The following AGO4 variants were observed in gnomAD, a reference collection of about 807,000 sequenced individuals.
The protein encoded by AGO4 is protein argonaute-4.
A neutral mutation model predicts 104.7 loss-of-function variants in AGO4; 33 were observed. The ratio of observed to expected loss-of-function variants is 0.32; its 90% CI spans 0.24 to 0.42. The LOEUF (loss-of-function observed/expected upper bound fraction) is 0.42, where lower values mean the gene tolerates loss of function less well. AGO4 is among the 10% of genes least tolerant of loss of function. The pLI is 1.00. For synonymous variants in AGO4, 331 were observed against 364.7 expected, an observed-to-expected ratio of 0.91 and a Z score of 1.05; for missense variants, 711 against 1,083.4, an observed-to-expected ratio of 0.66 and a Z score of 4.83.
intron 7 of AGO4, among the ~76,000 whole-genome samples, chr1:35,830,503 A>G (rs1192777613): frequency 6.6e-6 from 1 of 152,192 alleles, no homozygotes; most frequent in Non-Finnish European, 1.5e-5. Flanking sequence ...AAGTGAGTCT[A>G]TGTATGTTCT....
intron 13 of AGO4, among the ~76,000 whole-genome samples, chr1:35,837,688 TTC>T (rs1368009997): frequency 2.0e-5 from 3 of 151,852 alleles, no homozygotes; most frequent in African/African-American, 7.2e-5. Context: ...CCTAAACATC[TTC>T]TTTTATAATG....
At chr1:35,849,219 A>ATC (rs1197858431) in intron 15 of AGO4, among the ~76,000 whole-genome samples, 2 of 152,296 alleles carry the variant, frequency 1.3e-5, no homozygotes, top group East Asian at 3.9e-4. Context: ...GGGTAAGAGA[A>ATC]CATCACCTAA....
intron 12 of AGO4, 30 bp downstream of exon 12, chr1:35,834,204 A>T (rs527818223): frequency 6.7e-7 from 1 of 1,482,510 alleles, no homozygotes; most frequent in South Asian, 1.4e-5. Flanking sequence ...TGAATGAGGG[A>T]TGATTTCAAG....
At position 35,808,402 on chromosome 1, in the gene AGO4, G is replaced by T; in HGVS notation, c.-15G>T. On this transcript the variant is annotated 5_prime_UTR_variant, in exon 1 of 18. Coordinates refer to ENST00000373210, the MANE Select transcript of AGO4 (RefSeq NM_017629.4). This position sits in a 1 kb window ranked among gnomAD's most constrained non-coding sequence, Gnocchi z 5.2. The stretch of plus-strand genomic sequence containing the variant: ...AGGCGCCGGGGACCGGGGCGAGGCG[G>T]CCCCCGCCGCCGCCATGGAGGCGCT... 1 of 1,124,926 alleles carries T rather than the reference G, an allele frequency of 8.9e-7. No individual in the cohort carries two copies. Among genetic ancestry groups the T allele is most frequent in the Non-Finnish European group, 1.1e-6 (1 of 920,690 alleles). The allele number at this position is 1,124,926 out of a possible 1,614,324, so 69.7% of individuals were successfully genotyped here. A position where few individuals can be genotyped will look rare whatever the true frequency, so the allele number is the denominator to read the frequency against.
chr1:35,828,622 C>T (rs531098259), intron 7 of AGO4, among the ~76,000 whole-genome samples: 4 of 151,906 alleles, frequency 2.6e-5, no homozygotes, highest in African/African-American at 7.3e-5. Flanking sequence ...CCGGTTCAAG[C>T]GATTCTCCTG....
At position 35,853,671 on chromosome 1, in the gene AGO4, A is replaced by T. The variant is rs1571319112; in HGVS notation, c.*66A>T. Reference sequence around the variant, plus strand: ...CAGCCTCAAAATGTTTCAAATGCCTACCGCCTCTAGATCGAGCCACGTTGA... The same window carrying T: ...CAGCCTCAAAATGTTTCAAATGCCTTCCGCCTCTAGATCGAGCCACGTTGA... On this transcript the variant is annotated 3_prime_UTR_variant, in exon 18 of 18. Transcript: ENST00000373210. 2.8e-6 allele frequency: 4 copies of T among 1,412,568 alleles called. No individual in the cohort carries two copies. The South Asian group carries it at 4.7e-5, about 17-fold the overall frequency. 87.5% of individuals were successfully genotyped at this position (1,412,568 alleles called of 1,614,324 possible).
chr1:35,828,371 G>T (rs1016212047), intron 7 of AGO4, among the ~76,000 whole-genome samples: 7 of 151,740 alleles, frequency 4.6e-5, no homozygotes, highest in African/African-American at 1.7e-4. Flanking sequence ...CCCAGGCTGG[G>T]AGAAGACATC....
At chr1:35,809,374 C>G (rs950572577) in intron 1 of AGO4, among the ~76,000 whole-genome samples, 2 of 152,140 alleles carry the variant, frequency 1.3e-5, no homozygotes, top group African/African-American at 2.4e-5. Context: ...CTTTAATATT[C>G]AAACTTTACC....
At chr1:35,826,084 C>A in intron 6 of AGO4, 24 bp downstream of exon 6, 1 of 1,612,084 alleles carries the variant, frequency 6.2e-7, no homozygotes, top group South Asian at 1.1e-5. Flanking sequence ...TTAATGTAGT[C>A]TTGGAGAAGC....
At chr1:35,826,152 C>A in intron 6 of AGO4, 92 bp downstream of exon 6, 1 of 1,500,996 alleles carries the variant, frequency 6.7e-7, no homozygotes, top group South Asian at 1.2e-5. Flanking sequence ...GGGCTTCGGT[C>A]TCAGGCTAAC....
In AGO4 at chr1:35,831,514, C is replaced by T; in HGVS notation, c.936C>T (p.Tyr312=). The change falls in exon 8 of 18, where the codon TAC becomes TAT. Residue 312 remains tyrosine, a synonymous_variant. Transcript: ENST00000373210. ...FKQKYSLQLK[Y]PHLPCLQVGQ... ...AAAAGTATAGTCTGCAACTGAAATA[C>T]CCCCATCTTCCCTGTCTCCAAGTGG... 1 of 1,614,028 alleles carries T rather than the reference C, an allele frequency of 6.2e-7. No individual in the cohort carries two copies. The highest frequency in any genetic ancestry group is 8.5e-7 in the Non-Finnish European group (1 of 1,180,004).
chr1:35,823,769 A>G (rs1353102742), intron 3 of AGO4, among the ~76,000 whole-genome samples: 1 of 148,256 alleles, frequency 6.7e-6, no homozygotes, highest in Non-Finnish European at 1.5e-5. Context: ...TTTTTAGTAC[A>G]GATGGGGTTT....
chr1:35,811,239 C>G (rs1457122773), intron 1 of AGO4, among the ~76,000 whole-genome samples: 3 of 148,186 alleles, frequency 2.0e-5, no homozygotes, highest in Non-Finnish European at 4.5e-5. Context: ...TCTGGGAGGC[C>G]GAGGTGGGCG....
chr1:35,843,561 T>C (rs1199390242), intron 15 of AGO4, among the ~76,000 whole-genome samples: 1 of 151,850 alleles, frequency 6.6e-6, no homozygotes, highest in Non-Finnish European at 1.5e-5. Flanking sequence ...CATACACATA[T>C]AAGAAATCTG....
chr1:35,820,743 T>C (rs1643872358), intron 2 of AGO4, among the ~76,000 whole-genome samples: 1 of 151,848 alleles, frequency 6.6e-6, no homozygotes, highest in African/African-American at 2.4e-5. Flanking sequence ...AAAGGAAAAA[T>C]TTCATGATTT....
chr1:35,851,181 T>C (rs1644694409), intron 17 of AGO4, 128 bp downstream of exon 17: 2 of 907,886 alleles, frequency 2.2e-6, no homozygotes, highest in Admixed American at 5.3e-5. Context: ...CAAATAAAAT[T>C]GCATGTGCCT....
intron 17 of AGO4, among the ~76,000 whole-genome samples, chr1:35,852,681 C>T (rs997538012): frequency 6.6e-6 from 1 of 152,026 alleles, no homozygotes; most frequent in African/African-American, 2.4e-5. Flanking sequence ...AGTTTATATC[C>T]CAGTGGGAAA....
chr1:35,826,892 C>A, intron 7 of AGO4, 57 bp downstream of exon 7: 1 of 1,562,144 alleles, frequency 6.4e-7, no homozygotes, highest in Non-Finnish European at 8.7e-7. Context: ...GAGGGAGCTA[C>A]TATAATTGTT....
At chr1:35,842,870 C>T (rs962104345) in intron 15 of AGO4, among the ~76,000 whole-genome samples, 3 of 152,132 alleles carry the variant, frequency 2.0e-5, no homozygotes, top group Admixed American at 1.3e-4. Flanking sequence ...GAATGCCCAA[C>T]CTATATTATT....
Sources: allele counts gnomAD v4.1 joint callset (sites outside exome capture counted in the v4.1 genomes callset), GRCh38; gene constraint gnomAD v4.1.1; non-coding constraint Gnocchi (gnomAD v3.1); transcripts MANE v1.5; gene names NCBI Gene and HGNC (gene_info 2026-07-23, HGNC 2026-07-21).